The following ASAH2 variants were observed in gnomAD, a reference collection of about 807,000 sequenced individuals.
ASAH2 encodes neutral ceramidase.
ASAH2 carries 58 observed loss-of-function variants against 82.9 expected under a neutral mutation model. That is an observed-to-expected ratio of 0.70 (90% CI 0.57 to 0.87). The LOEUF (loss-of-function observed/expected upper bound fraction) is 0.87. ASAH2 is among the 40% of genes least tolerant of loss of function. ASAH2 has a pLI of 0.00. For synonymous variants in ASAH2, 276 were observed against 289.7 expected, an observed-to-expected ratio of 0.95 and a Z score of 0.48; for missense variants, 779 against 834.0, an observed-to-expected ratio of 0.93 and a Z score of 0.81.
intron 1 of ASAH2, among the ~76,000 whole-genome samples, chr10:50,249,265 T>A (rs1282445138): frequency 1.3e-5 from 2 of 152,160 alleles, no homozygotes; most frequent in Admixed American, 1.3e-4. Flanking sequence ...AACATCCCCC[T>A]TCAGTGATCA....
Position 50,187,107 on chromosome 10 carries a change from C to T in ASAH2, c.*208G>A, listed in dbSNP as rs1844766162. On this transcript the variant is annotated 3_prime_UTR_variant, in exon 21 of 21. Coordinates refer to ENST00000682911, the MANE Select transcript of ASAH2 (RefSeq NM_019893.4). ...AACCTCTCTCTCTCTCTCTCTCTCT[C>T]TCTCTCTCTCTCACACACACACACA... 1 of 329,554 alleles carries T rather than the reference C, an allele frequency of 3.0e-6. No individual in the cohort carries two copies. The highest frequency in any genetic ancestry group is 5.5e-6 in the Non-Finnish European group (1 of 183,296). The allele number at this position is 329,554 out of a possible 1,614,324, so 20.4% of individuals were successfully genotyped here.
intron 15 of ASAH2, among the ~76,000 whole-genome samples, chr10:50,203,325 T>TACA (rs1845206400): frequency 6.6e-6 from 1 of 152,022 alleles, no homozygotes; most frequent in Admixed American, 6.6e-5. Flanking sequence ...ATTCCCAAAA[T>TACA]GTAATACATT....
rs1845554513 is a variant in ASAH2 at position 50,214,865 on chromosome 10, G to A, written c.1018C>T (p.Pro340Ser). The A allele has an allele frequency of 8.7e-6, 14 of 1,613,296 alleles. No individual in the cohort carries two copies. The highest frequency in any genetic ancestry group is 1.2e-5 in the Non-Finnish European group (14 of 1,179,560). ...KNKGYLPGQG[P>S]FVAAFASSNL... ...GATGAAGCAAAGGCTGCTACAAATG[G>A]CCCCTGCCAAAAGAAATGCCAAGTT... The change falls in exon 9 of 21, where the codon CCA becomes TCA. Residue 340 changes from proline to serine, a missense_variant. Physicochemically the swap from Pro to Ser is moderately conservative, Grantham distance 74. This residue lies in a region of ASAH2 where 759 missense variants were observed against 755.2 expected (regional missense o/e 1.00). Transcript: ENST00000682911.
chr10:50,221,644 T>TGG (rs1333451421), intron 7 of ASAH2, among the ~76,000 whole-genome samples: 1 of 149,604 alleles, frequency 6.7e-6, no homozygotes, highest in Admixed American at 6.6e-5. Context: ...TGTGTGTGTG[T>TGG]GTGTGTGTGT....
intron 5 of ASAH2, 92 bp downstream of exon 5, chr10:50,235,796 T>G: frequency 7.0e-7 from 1 of 1,429,590 alleles, no homozygotes; most frequent in Non-Finnish European, 9.9e-7. Flanking sequence ...CAGACCCAAA[T>G]CCTATAGGGA....
Position 50,202,758 on chromosome 10 carries a change from A to AAT in ASAH2, c.1761+70_1761+71insAT. 3 of 1,063,752 alleles carry AAT rather than the reference A, an allele frequency of 2.8e-6. No individual in the cohort carries two copies. In the South Asian group the frequency reaches 3.8e-5, roughly 13 times the overall value. The allele number at this position is 1,063,752 out of a possible 1,614,324, so 65.9% of individuals were successfully genotyped here. A position where few individuals can be genotyped will look rare whatever the true frequency, so the allele number is the denominator to read the frequency against. On this transcript the variant is annotated intron_variant, in intron 16 of 20. Transcript: ENST00000682911. ...ACATGACTGGGAAAGTTTACAAAGC[A>AAT]AGTCTGCATTTGACACAATAGTCTT... is the stretch of plus-strand genomic sequence containing the variant.
chr10:50,201,995 T>A (rs1332147457), intron 16 of ASAH2, among the ~76,000 whole-genome samples: 2 of 152,138 alleles, frequency 1.3e-5, no homozygotes, highest in Non-Finnish European at 2.9e-5. Context: ...ATATTTATAA[T>A]TGACTGAAAT....
chr10:50,236,070 A>G lies in ASAH2; in HGVS notation c.511-6T>C. 1 of 1,612,416 alleles carries G rather than the reference A, an allele frequency of 6.2e-7. No individual in the cohort carries two copies. Among genetic ancestry groups the G allele is most frequent in the Non-Finnish European group, 8.5e-7 (1 of 1,178,638 alleles). ...CTCTGCAGTCTGTTCAGGACCTTCA[A>G]GAAAAAAAGTAATTGAACTAAGAAG... On this transcript the variant is annotated splice_polypyrimidine_tract_variant and splice_region_variant and intron_variant, in intron 4 of 20. Coordinates refer to ENST00000682911, the MANE Select transcript of ASAH2 (RefSeq NM_019893.4).
chr10:50,246,209 T>C (rs1846453467), intron 2 of ASAH2, among the ~76,000 whole-genome samples: 1 of 152,108 alleles, frequency 6.6e-6, no homozygotes, highest in African/African-American at 2.4e-5. Flanking sequence ...ACTGCCTGGG[T>C]TTGAAACCTG....
chr10:50,211,269 G>T (rs1191022036), intron 10 of ASAH2, 135 bp from the exon 11 acceptor site: 2 of 733,114 alleles, frequency 2.7e-6, no homozygotes, highest in African/African-American at 3.5e-5. Context: ...TGGTTGCTTA[G>T]AATTGGCCAC....
chr10:50,211,217 T>G, intron 10 of ASAH2, 83 bp from the exon 11 acceptor site: 1 of 1,077,260 alleles, frequency 9.3e-7, no homozygotes, highest in African/African-American at 1.5e-5. Context: ...ACCAATTTGA[T>G]GCAATTTGGA....
At chr10:50,219,577 A>C (rs1589338887) in intron 7 of ASAH2, among the ~76,000 whole-genome samples, 2 of 152,352 alleles carry the variant, frequency 1.3e-5, no homozygotes, top group East Asian at 3.9e-4. Flanking sequence ...AGGTTAACTT[A>C]GAATTTAAAA....
At chr10:50,250,462 A>G (rs538132633) in intron 1 of ASAH2, among the ~76,000 whole-genome samples, 1 of 152,202 alleles carries the variant, frequency 6.6e-6, no homozygotes, top group African/African-American at 2.4e-5. Context: ...AACAAGTCAG[A>G]TCTGTGACTT....
intron 4 of ASAH2, among the ~76,000 whole-genome samples, chr10:50,239,227 A>G (rs936089323): frequency 6.6e-6 from 1 of 152,230 alleles, no homozygotes; most frequent in Admixed American, 6.5e-5. Context: ...GAGAACCTAC[A>G]TAGAAGCAGG....
intron 7 of ASAH2, among the ~76,000 whole-genome samples, chr10:50,220,574 C>G (rs1025485711): frequency 6.6e-6 from 1 of 152,050 alleles, no homozygotes; most frequent in African/African-American, 2.4e-5. Context: ...TAAGTGGGAA[C>G]TGAATAATGA....
At chr10:50,221,220 C>T (rs1845736259) in intron 7 of ASAH2, among the ~76,000 whole-genome samples, 1 of 152,084 alleles carries the variant, frequency 6.6e-6, no homozygotes, top group South Asian at 2.1e-4. Context: ...TCTCTTAGAA[C>T]TCAAGTATCA....
At chr10:50,223,485 G>A (rs1291589727) in intron 7 of ASAH2, among the ~76,000 whole-genome samples, 5 of 152,110 alleles carry the variant, frequency 3.3e-5, no homozygotes, top group Non-Finnish European at 7.4e-5. Context: ...AAGGTTCTAC[G>A]TGCTAGCATG....
chr10:50,248,356 G>T, intron 2 of ASAH2, 128 bp downstream of exon 2: 3 of 1,143,046 alleles, frequency 2.6e-6, no homozygotes, highest in Non-Finnish European at 2.5e-6. Context: ...AAGGGAGACG[G>T]CTATTCCAGG....
At chr10:50,204,709 C>G in intron 14 of ASAH2, 152 bp downstream of exon 14, 1 of 632,866 alleles carries the variant, frequency 1.6e-6, no homozygotes, top group African/African-American at 1.9e-5. Context: ...GAGGCCCCAG[C>G]AAAAGAGGGT....
Sources: gnomAD v4.1 joint callset for allele counts (sites outside exome capture counted in the v4.1 genomes callset) on GRCh38, gnomAD v4.1.1 for gene constraint, gnomAD v4.1.1 regional missense constraint, MANE v1.5 for transcripts, NCBI Gene and HGNC (gene_info 2026-07-23, HGNC 2026-07-21) for gene names.